The following MALT1 variants were observed in gnomAD, a reference collection of about 807,000 sequenced individuals.
The protein encoded by MALT1 is MALT1 paracaspase.
MALT1 carries 36 observed loss-of-function variants against 85.5 expected under a neutral mutation model. That is an observed-to-expected ratio of 0.42 (90% CI 0.32 to 0.56). The LOEUF is 0.56. MALT1 is among the 20% of genes least tolerant of loss of function. The pLI is 0.10. For synonymous variants in MALT1, 359 were observed against 361.3 expected, an observed-to-expected ratio of 0.99 and a Z score of 0.07; for missense variants, 716 against 981.6, an observed-to-expected ratio of 0.73 and a Z score of 3.62.
intron 10 of MALT1, among the ~76,000 whole-genome samples, chr18:58,731,966 A>G (rs906720847): frequency 3.3e-5 from 5 of 152,174 alleles, no homozygotes; most frequent in African/African-American, 1.2e-4. Flanking sequence ...AACGTATTTG[A>G]AAGAACCATT....
intron 9 of MALT1, among the ~76,000 whole-genome samples, chr18:58,718,963 GT>G (rs1179511168): frequency 6.6e-6 from 1 of 152,154 alleles, no homozygotes; most frequent in African/African-American, 2.4e-5. Flanking sequence ...TGAAGACATG[GT>G]AAGAATGGAG....
At position 58,741,860 on chromosome 18, in the gene MALT1, T is replaced by A; in HGVS notation, c.1604-5T>A. 1.4e-6 allele frequency: 2 copies of A among 1,463,978 alleles called. No individual in the cohort carries two copies. The highest frequency in any genetic ancestry group is 3.0e-5 in the South Asian group (2 of 67,684). 90.7% of individuals were successfully genotyped at this position (1,463,978 alleles called of 1,614,324 possible). On this transcript the variant is annotated splice_polypyrimidine_tract_variant and splice_region_variant and intron_variant, in intron 13 of 16. Coordinates refer to ENST00000649217, the MANE Select transcript of MALT1 (RefSeq NM_006785.4). ...AAAAATAATATTTATTTTCATATCT[T>A]TTAGATATGGGTAAGTGTCACCTTA...
intron 2 of MALT1, among the ~76,000 whole-genome samples, chr18:58,685,067 AAT>A (rs766984120): frequency 6.6e-6 from 1 of 151,678 alleles, no homozygotes; most frequent in African/African-American, 2.4e-5. Flanking sequence ...AGTTGTAAAA[AAT>A]ATATATATAT....
chr18:58,705,787 G>T (rs1045933673), intron 4 of MALT1, among the ~76,000 whole-genome samples: 1 of 152,046 alleles, frequency 6.6e-6, no homozygotes, highest in South Asian at 2.1e-4. Context: ...GTAAACATAC[G>T]TGTGCATGTG....
intron 13 of MALT1, among the ~76,000 whole-genome samples, chr18:58,737,584 T>G (rs1327150237): frequency 6.6e-6 from 1 of 152,008 alleles, no homozygotes; most frequent in Non-Finnish European, 1.5e-5. Flanking sequence ...TTTTTTTAAT[T>G]TTTTGGTTTC....
intron 10 of MALT1, 47 bp downstream of exon 10, chr18:58,723,298 T>A: frequency 1.4e-6 from 2 of 1,425,958 alleles, no homozygotes; most frequent in Non-Finnish European, 2.0e-6. Context: ...ATTATTCTTT[T>A]CATTATACAA....
intron 9 of MALT1, among the ~76,000 whole-genome samples, chr18:58,717,160 T>G (rs2054913419): frequency 6.6e-6 from 1 of 152,026 alleles, no homozygotes; most frequent in Non-Finnish European, 1.5e-5. Context: ...GTCAGAAGAT[T>G]GAGATCAGCC....
chr18:58,718,266 G>GATAAATGGAAT (rs1334440072), intron 9 of MALT1, among the ~76,000 whole-genome samples: 9 of 152,126 alleles, frequency 5.9e-5, no homozygotes, highest in Non-Finnish European at 1.2e-4. Flanking sequence ...AGAATAACAA[G>GATAAATGGAAT]ATAAATGGAA....
intron 10 of MALT1, among the ~76,000 whole-genome samples, chr18:58,726,379 A>G (rs1334678288): frequency 6.6e-6 from 1 of 152,156 alleles, no homozygotes; most frequent in Non-Finnish European, 1.5e-5. Context: ...TCATAAAGAA[A>G]CCTTTAGTTT....
At chr18:58,735,403 C>G in intron 13 of MALT1, 74 bp downstream of exon 13, 2 of 1,473,314 alleles carry the variant, frequency 1.4e-6, no homozygotes, top group East Asian at 4.7e-5. Context: ...AGGGTTCCCT[C>G]TCTGGTGATT....
chr18:58,694,831 C>T (rs1335128691), intron 2 of MALT1, among the ~76,000 whole-genome samples: 1 of 152,186 alleles, frequency 6.6e-6, no homozygotes, highest in East Asian at 1.9e-4. Flanking sequence ...GTTGGAGGAT[C>T]TTCTCAGATG....
intron 8 of MALT1, among the ~76,000 whole-genome samples, chr18:58,715,222 C>T (rs2054882471): frequency 6.6e-6 from 1 of 152,156 alleles, no homozygotes; most frequent in Non-Finnish European, 1.5e-5. Context: ...CTTTAATGAA[C>T]ATTATGAAAA....
At chr18:58,700,965 G>A (rs532069102) in intron 4 of MALT1, among the ~76,000 whole-genome samples, 67 of 151,898 alleles carry the variant, frequency 4.4e-4, no homozygotes, top group African/African-American at 1.6e-3. Context: ...GGTAATTTTT[G>A]TATTTTTAGT....
Position 58,745,648 on chromosome 18 carries a change from TA to T in MALT1, c.1912-16del. ...CATTGATTTCATTATTAACAGTCCC[TA>T]ATTTTTTTTTTTACAGGATCTAGAT... On this transcript the variant is annotated splice_polypyrimidine_tract_variant and intron_variant, in intron 15 of 16. Transcript: ENST00000649217. 3 of 1,597,394 alleles carry T rather than the reference TA, an allele frequency of 1.9e-6. No homozygotes were observed. Among genetic ancestry groups the T allele is most frequent in the Non-Finnish European group, 1.7e-6 (2 of 1,167,908 alleles).
chr18:58,728,302 AAAC>A (rs760988719), intron 10 of MALT1, among the ~76,000 whole-genome samples: 4 of 152,198 alleles, frequency 2.6e-5, no homozygotes, highest in Admixed American at 6.5e-5. Flanking sequence ...TGGAATTTAA[AAAC>A]AACAACAACA....
At chr18:58,747,337 G>A in intron 16 of MALT1, 68 bp from the exon 17 acceptor site, 1 of 1,032,926 alleles carries the variant, frequency 9.7e-7, no homozygotes, top group South Asian at 1.5e-5. Context: ...GTGTATGTGT[G>A]AATATTTTCA....
chr18:58,706,623 C>CTGTAATAATTTGTAAAAATTATTTG (rs1418961275), intron 4 of MALT1, among the ~76,000 whole-genome samples: 2 of 152,092 alleles, frequency 1.3e-5, no homozygotes, highest in Non-Finnish European at 2.9e-5. Context: ...TGCTGTTTTT[C>CTGTAATAATTTGTAAAAATTATTTG]TGTAATAATT....
rs910700228 is a variant in MALT1, at chr18:58,749,432, T to G, written c.*1590T>G. The G allele has an allele frequency of 7.4e-5, 16 of 215,754 alleles. No individual in the cohort carries two copies. Among genetic ancestry groups the G allele is most frequent in the Non-Finnish European group, 1.2e-4 (13 of 107,176 alleles). 13.4% of individuals were successfully genotyped at this position (215,754 alleles called of 1,614,324 possible). ...TCCAGCTGGCCCCGGAGCCAGAGCT[T>G]CTTGTACTACACAGAATTGCCCCTG... On this transcript the variant is annotated 3_prime_UTR_variant, in exon 17 of 17. Transcript: ENST00000649217.
intron 13 of MALT1, among the ~76,000 whole-genome samples, chr18:58,735,646 G>A (rs1003701296): frequency 6.7e-6 from 1 of 148,510 alleles, no homozygotes; most frequent in African/African-American, 2.5e-5. Context: ...CAGTGCCTTG[G>A]TACTGGCAAA....
Sources: allele counts gnomAD v4.1 joint callset (sites outside exome capture counted in the v4.1 genomes callset), GRCh38; gene constraint gnomAD v4.1.1; transcripts MANE v1.5; gene names NCBI Gene and HGNC (gene_info 2026-07-23, HGNC 2026-07-21).